The following ZRANB1 variants were observed in gnomAD, a reference collection of about 807,000 sequenced individuals.
ZRANB1 encodes ubiquitin thioesterase ZRANB1.
ZRANB1 carries 16 observed loss-of-function variants against 80.5 expected under a neutral mutation model. The ratio of observed to expected loss-of-function variants is 0.20; its 90% CI spans 0.13 to 0.30. ZRANB1 has a LOEUF of 0.30. Among genes scored for constraint, ZRANB1 ranks in the 10% least tolerant of loss-of-function variants. The pLI is 1.00. For synonymous variants in ZRANB1, 291 were observed against 293.1 expected (o/e 0.99, Z 0.07); for missense variants, 576 against 862.6 (o/e 0.67, Z 4.16).
At chr10:124,974,148 T>G in intron 4 of ZRANB1, 52 bp from the exon 5 acceptor site, 1 of 1,581,280 alleles carries the variant, frequency 6.3e-7, no homozygotes, top group Non-Finnish European at 8.7e-7. Context: ...CCATGAGTAT[T>G]CTCTAATGAC....
chr10:124,937,312 G>A (rs914762911), upstream of ZRANB1, among the ~76,000 whole-genome samples: 8 of 149,748 alleles, frequency 5.3e-5, no homozygotes, highest in South Asian at 1.1e-3. Context: ...TCAGCCTCCC[G>A]AGTAGCTGGG....
chr10:124,929,646 TTC>T, the ZRANB1 span, among the ~76,000 whole-genome samples: 1 of 150,874 alleles, frequency 6.6e-6, no homozygotes, highest in African/African-American at 2.4e-5. Flanking sequence ...CCAACACAGA[TTC>T]TTATTCATAA....
intron 1 of ZRANB1, among the ~76,000 whole-genome samples, chr10:124,943,545 G>A (rs55641878): frequency 0.011 from 1,631 of 149,786 alleles, 26 homozygotes; most frequent in African/African-American, 0.037. Flanking sequence ...GTGTGTGTGT[G>A]TATATATATA....
intron 5 of ZRANB1, among the ~76,000 whole-genome samples, chr10:124,980,548 CAA>C (rs1389697502): frequency 2.0e-5 from 3 of 152,124 alleles, no homozygotes. Flanking sequence ...CCAAAATTTT[CAA>C]GACACATTTA....
chr10:124,922,603 C>T, the ZRANB1 span, among the ~76,000 whole-genome samples: 5 of 151,610 alleles, frequency 3.3e-5, no homozygotes, highest in Non-Finnish European at 7.4e-5. Flanking sequence ...AGTGATTCTC[C>T]TGCCTCAGCC....
chr10:124,921,875 A>G, the ZRANB1 span, among the ~76,000 whole-genome samples: 6 of 152,120 alleles, frequency 3.9e-5, no homozygotes, highest in Admixed American at 2.0e-4. Flanking sequence ...GAAGTTTTTG[A>G]CAGGAGCCAT....
At chr10:124,966,568 C>G (rs200903752) in intron 1 of ZRANB1, 26 bp from the exon 2 acceptor site, 3 of 1,594,620 alleles carry the variant, frequency 1.9e-6, no homozygotes, top group Non-Finnish European at 2.6e-6. Context: ...GAATTAAATG[C>G]TTTTCTATCT....
chr10:124,968,833 A>G (rs149707766), intron 2 of ZRANB1, among the ~76,000 whole-genome samples: 3 of 152,288 alleles, frequency 2.0e-5, no homozygotes, highest in Non-Finnish European at 2.9e-5. Context: ...TGGGATGATG[A>G]TCGAACATCA....
Position 124,974,202 on chromosome 10 carries a change from T to G in ZRANB1, c.1231T>G (p.Leu411Val). Residue 411 changes from leucine (L) to valine (V), a missense_variant and splice_region_variant, in exon 5 of 9, where the codon TTA becomes GTA. Physicochemically the swap from Leu to Val is conservative, Grantham distance 32 (BLOSUM62 1). Around this residue, in one of 3 missense-constraint regions of ZRANB1, gnomAD observed 411 missense variants for 583.1 expected, o/e 0.70. Transcript: ENST00000359653. ...ATGTATTTAAATCCATCGTACAGAATTAGAAGAAGAATCTCCAATTATTAA... is the reference window on the plus strand; with the variant it reads ...ATGTATTTAAATCCATCGTACAGAAGTAGAAGAAGAATCTCCAATTATTAA... ...EVLDRDVQKE[L>V]EEESPIINWS... The G allele has an allele frequency of 6.2e-7, 1 of 1,614,176 alleles. No homozygotes were observed. The highest frequency in any genetic ancestry group is 8.5e-7 in the Non-Finnish European group (1 of 1,179,974).
At chr10:124,948,421 C>G (rs1447974221) in intron 1 of ZRANB1, among the ~76,000 whole-genome samples, 1 of 152,000 alleles carries the variant, frequency 6.6e-6, no homozygotes, top group Non-Finnish European at 1.5e-5. Context: ...ATTGGTCCCC[C>G]TAATCTCCAT....
At position 124,983,326 on chromosome 10, in the gene ZRANB1, T is replaced by TTG. The variant is rs1650588540; in HGVS notation, c.1678+23_1678+24insGT. On this transcript the variant is annotated intron_variant, in intron 7 of 8. Coordinates refer to ENST00000359653, the MANE Select transcript of ZRANB1 (RefSeq NM_017580.3). This position sits in a 1 kb window ranked among gnomAD's most constrained non-coding sequence, Gnocchi z 6.2. The stretch of plus-strand genomic sequence containing the variant: ...CAAGGTAAGCCATTATTCAGGAACG[T>TTG]TTTACAAGTTTCTTTGAACGGAATG... 1.2e-6 allele frequency: 2 copies of TTG among 1,611,864 alleles called. No individual in the cohort carries two copies. Among genetic ancestry groups the TTG allele is most frequent in the Non-Finnish European group, 1.7e-6 (2 of 1,178,856 alleles).
At position 124,986,639 on chromosome 10, in the gene ZRANB1, ATG is replaced by A. The variant is rs560136450; in HGVS notation, c.*1651_*1652del. On this transcript the variant is annotated 3_prime_UTR_variant, in exon 9 of 9. Transcript: ENST00000359653. ...TGCTGCTGTTTGTTTCAAGTGGTGA[ATG>A]TGTTGTTAAAAATTGGCTGTTTGCT... 18 of 152,302 alleles carry A rather than the reference ATG, an allele frequency of 1.2e-4. No homozygotes were observed. The East Asian group carries it at 2.9e-3, about 24-fold the overall frequency. 9.4% of individuals were successfully genotyped at this position (152,302 alleles called of 1,614,324 possible). A position where few individuals can be genotyped will look rare whatever the true frequency, so the allele number is the denominator to read the frequency against.
chr10:124,943,323 C>T lies in ZRANB1; in HGVS notation c.814+16C>T. On this transcript the variant is annotated intron_variant, in intron 1 of 8. Transcript: ENST00000359653. ...GCTTGTGTGGGTAAGTTTCTGTATT[C>T]TGCATTTTTTGCGTGGGATGGGAAA... 6.3e-7 allele frequency: 1 copy of T among 1,593,272 alleles called. No homozygotes were observed. Among genetic ancestry groups the T allele is most frequent in the Non-Finnish European group, 8.6e-7 (1 of 1,169,272 alleles).
rs991326631 is a variant in ZRANB1 at position 124,986,973 on chromosome 10, T to C, written c.*1981T>C. 7 of 150,998 alleles carry C rather than the reference T, an allele frequency of 4.6e-5. No individual in the cohort carries two copies. Among genetic ancestry groups the C allele is most frequent in the African/African-American group, 1.7e-4 (7 of 41,274 alleles). 9.4% of individuals were successfully genotyped at this position (150,998 alleles called of 1,614,324 possible). On this transcript the variant is annotated 3_prime_UTR_variant, in exon 9 of 9. Transcript: ENST00000359653. ...TTTCCCCTGAGCGCTCTATTATTTA[T>C]TTATTTATTATCAATCAGTGACCCT...
chr10:124,963,554 GTTTTTT>G (rs760813299), intron 1 of ZRANB1, among the ~76,000 whole-genome samples: 1 of 57,510 alleles, frequency 1.7e-5, no homozygotes, highest in Non-Finnish European at 3.2e-5. Context: ...TTTTTTGTTT[GTTTTTT>G]TTTTTTTTTT....
chr10:124,975,478 A>C (rs2133988699), intron 5 of ZRANB1, among the ~76,000 whole-genome samples: 1 of 152,344 alleles, frequency 6.6e-6, no homozygotes, highest in African/African-American at 2.4e-5. Context: ...GTTCATAATC[A>C]CATTTCTTCA....
intron 1 of ZRANB1, among the ~76,000 whole-genome samples, chr10:124,951,183 G>A (rs1044115503): frequency 7.2e-5 from 11 of 152,202 alleles, no homozygotes; most frequent in African/African-American, 2.4e-4. Flanking sequence ...TATTAAATTA[G>A]TATTACTTTT....
chr10:124,985,253 A>C lies in ZRANB1; in HGVS notation c.*261A>C, dbSNP rs1952007428. 2 of 395,206 alleles carry C rather than the reference A, an allele frequency of 5.1e-6. No individual in the cohort carries two copies. The highest frequency in any genetic ancestry group is 8.3e-5 in the Admixed American group (2 of 24,038). The allele number at this position is 395,206 out of a possible 1,614,324, so 24.5% of individuals were successfully genotyped here. ...GAACTTTTTTTCCTTCCAAATTGTA[A>C]ATCTGTCTATAAATGTAACGCATGT... is the stretch of plus-strand genomic sequence containing the variant. On this transcript the variant is annotated 3_prime_UTR_variant, in exon 9 of 9. Coordinates refer to ENST00000359653, the MANE Select transcript of ZRANB1 (RefSeq NM_017580.3).
chr10:124,943,045 A>G lies in ZRANB1; in HGVS notation c.552A>G (p.Glu184=). 6.2e-7 allele frequency: 1 copy of G among 1,614,242 alleles called. No homozygotes were observed. The highest frequency in any genetic ancestry group is 8.5e-7 in the Non-Finnish European group (1 of 1,180,038). ...GACCTAATAACATTGAAGCAATAGA[A>G]TTGGCAGAGACTGAAGAGGCTTCTT... ...HPRPNNIEAI[E]LAETEEASSI... is the part of the protein sequence containing the mutation. Residue 184 remains glutamate, a synonymous_variant, in exon 1 of 9, where the codon GAA becomes GAG. Coordinates refer to ENST00000359653, the MANE Select transcript of ZRANB1 (RefSeq NM_017580.3).
Sources: gnomAD v4.1 joint callset for allele counts (sites outside exome capture counted in the v4.1 genomes callset) on GRCh38, gnomAD v4.1.1 for gene constraint, gnomAD v4.1.1 regional missense constraint, Gnocchi (gnomAD v3.1) non-coding constraint, MANE v1.5 for transcripts, NCBI Gene and HGNC (gene_info 2026-07-23, HGNC 2026-07-21) for gene names.